CFAP299: variants seen among roughly 807,000 people sequenced by gnomAD.
The protein encoded by CFAP299 is cilia and flagella associated protein 299.
Under a neutral mutation model 27.0 loss-of-function variants are expected in CFAP299, and 21 were observed. The observed-to-expected ratio is 0.78, with a 90% CI of 0.55 to 1.12. CFAP299 has a LOEUF of 1.12. Ranked by LOEUF, CFAP299 falls within the 50% of genes most tolerant of loss-of-function variation. The probability of loss-of-function intolerance (pLI) is 0.00; values close to 1 mark genes in which losing one functional copy is unlikely to be tolerated. For missense variants in CFAP299, 310 were observed against 276.6 expected, an observed-to-expected ratio of 1.12 and a Z score of -0.86; for synonymous variants, 104 against 98.1, an observed-to-expected ratio of 1.06 and a Z score of -0.36.
intron 1 of CFAP299, among the ~76,000 whole-genome samples, chr4:80,337,391 A>G (rs1168710030): frequency 2.6e-5 from 4 of 151,830 alleles, no homozygotes; most frequent in African/African-American, 9.7e-5. Context: ...GTGTTTCATC[A>G]ATCAGAATTT....
At chr4:80,570,832 GATAA>G (rs1735546265) in intron 2 of CFAP299, among the ~76,000 whole-genome samples, 1 of 152,020 alleles carries the variant, frequency 6.6e-6, no homozygotes. Context: ...AAGGAGAAAG[GATAA>G]ATAAATGGTT....
rs145489188 is a variant in CFAP299 at position 80,952,288 on chromosome 4, A to G, written c.606+7349A>G. Reference sequence around the variant, plus strand: ...AAAGAAATGAATGGTAGGGCCAAAAATAATTCTTAAAAAAAATTGAGGTTA... The same window carrying G: ...AAAGAAATGAATGGTAGGGCCAAAAGTAATTCTTAAAAAAAATTGAGGTTA... On this transcript the variant is annotated intron_variant, in intron 5 of 5. Transcript: ENST00000358105. 2.1e-3 allele frequency among the ~76,000 whole-genome samples: 324 copies of G among 152,320 alleles called. 4 individuals are homozygous for G. The highest frequency in any genetic ancestry group is 7.4e-3 in the African/African-American group (308 of 41,562).
At chr4:80,487,043 C>T (rs1314198208) in intron 2 of CFAP299, among the ~76,000 whole-genome samples, 3 of 152,178 alleles carry the variant, frequency 2.0e-5, no homozygotes, top group Non-Finnish European at 2.9e-5. Context: ...TCCTGGAGAC[C>T]ACTGTGAATT....
chr4:80,543,588 A>G (rs1734100866), intron 2 of CFAP299, among the ~76,000 whole-genome samples: 1 of 152,198 alleles, frequency 6.6e-6, no homozygotes, highest in South Asian at 2.1e-4. Context: ...AATAGACCAA[A>G]CCGACGAAAG....
intron 3 of CFAP299, among the ~76,000 whole-genome samples, chr4:80,599,257 A>G (rs1204359084): frequency 6.6e-6 from 1 of 152,166 alleles, no homozygotes; most frequent in Non-Finnish European, 1.5e-5. Flanking sequence ...TTGAATCCAC[A>G]GCTCTATAAT....
intron 2 of CFAP299, among the ~76,000 whole-genome samples, chr4:80,486,266 C>T (rs1477566585): frequency 6.6e-6 from 1 of 152,178 alleles, no homozygotes. Flanking sequence ...CTAGAGGAAG[C>T]CTGCAAATGC....
intron 3 of CFAP299, among the ~76,000 whole-genome samples, chr4:80,728,829 C>G (rs1337656700): frequency 6.6e-6 from 1 of 152,160 alleles, no homozygotes; most frequent in Non-Finnish European, 1.5e-5. Flanking sequence ...TCATGACTTC[C>G]TCAGAACTTC....
At chr4:80,524,040 G>C (rs907769520) in intron 2 of CFAP299, among the ~76,000 whole-genome samples, 1 of 152,002 alleles carries the variant, frequency 6.6e-6, no homozygotes, top group African/African-American at 2.4e-5. Flanking sequence ...AAACAAATTA[G>C]TAAATGAGAT....
At chr4:80,483,591 T>A (rs1025941323) in intron 2 of CFAP299, among the ~76,000 whole-genome samples, 2 of 152,130 alleles carry the variant, frequency 1.3e-5, no homozygotes, top group African/African-American at 4.8e-5. Flanking sequence ...GTATGAGGTC[T>A]ATTTTTTTTA....
chr4:80,701,108 C>T lies in CFAP299; in HGVS notation c.333+117925C>T, dbSNP rs542106156. Among the ~76,000 whole-genome samples the T allele has an allele frequency of 1.0e-3, 154 of 152,008 alleles. 2 individuals are homozygous for T. The highest frequency in any genetic ancestry group is 5.7e-4 in the Non-Finnish European group (39 of 67,942). On this transcript the variant is annotated intron_variant, in intron 3 of 5. Transcript: ENST00000358105. ...TTTAAGCACTGTGCTATTTTGCCTT[C>T]CATACTTTGAATAAAAAGGTTAATG...
At chr4:80,500,487 A>T (rs1209985090) in intron 2 of CFAP299, among the ~76,000 whole-genome samples, 1 of 152,154 alleles carries the variant, frequency 6.6e-6, no homozygotes, top group Non-Finnish European at 1.5e-5. Flanking sequence ...TCTGTTAATA[A>T]AATTAGGCTA....
At chr4:80,394,824 A>G (rs1725690243) in intron 2 of CFAP299, among the ~76,000 whole-genome samples, 1 of 151,972 alleles carries the variant, frequency 6.6e-6, no homozygotes, top group Non-Finnish European at 1.5e-5. Flanking sequence ...TTTGATAGCC[A>G]TTGTTTTGTA....
At chr4:80,414,302 C>A (rs1271437955) in intron 2 of CFAP299, among the ~76,000 whole-genome samples, 1 of 151,688 alleles carries the variant, frequency 6.6e-6, no homozygotes, top group African/African-American at 2.4e-5. Flanking sequence ...GATCTCCTGA[C>A]CTCGTGATCC....
intron 3 of CFAP299, among the ~76,000 whole-genome samples, chr4:80,762,845 G>A (rs1269392270): frequency 1.3e-5 from 2 of 152,110 alleles, no homozygotes; most frequent in Non-Finnish European, 2.9e-5. Context: ...TTTCCGCAAT[G>A]GGAGACAGCT....
intron 2 of CFAP299, among the ~76,000 whole-genome samples, chr4:80,498,067 T>G (rs907410490): frequency 1.3e-5 from 2 of 152,142 alleles, no homozygotes; most frequent in Admixed American, 6.6e-5. Flanking sequence ...ACTGGACCCC[T>G]TCCCTTCACC....
intron 3 of CFAP299, among the ~76,000 whole-genome samples, chr4:80,862,052 T>C (rs192354002): frequency 1.3e-5 from 2 of 152,288 alleles, no homozygotes; most frequent in African/African-American, 4.8e-5. Context: ...CTTAAATTAT[T>C]CTTAATTTCA....
At chr4:80,844,418 G>T (rs1254160998) in intron 3 of CFAP299, among the ~76,000 whole-genome samples, 3 of 152,224 alleles carry the variant, frequency 2.0e-5, no homozygotes, top group Admixed American at 2.0e-4. Flanking sequence ...AGCACCTGTT[G>T]TTTCCTGACT....
At chr4:80,460,965 C>A (rs1729408795) in intron 2 of CFAP299, among the ~76,000 whole-genome samples, 1 of 152,138 alleles carries the variant, frequency 6.6e-6, no homozygotes, top group South Asian at 2.1e-4. Flanking sequence ...TTTAGGGAGA[C>A]ATATGGCATC....
At chr4:80,625,804 A>G (rs1738859843) in intron 3 of CFAP299, among the ~76,000 whole-genome samples, 1 of 152,018 alleles carries the variant, frequency 6.6e-6, no homozygotes. Flanking sequence ...TAATTGTATC[A>G]TTATAAATGG....
Sources: gnomAD v4.1 joint callset for allele counts (sites outside exome capture counted in the v4.1 genomes callset) on GRCh38, gnomAD v4.1.1 for gene constraint, MANE v1.5 for transcripts, NCBI Gene and HGNC (gene_info 2026-07-23, HGNC 2026-07-21) for gene names.